Variants in GRK3 observed in about 807,000 individuals in gnomAD.
The protein encoded by GRK3 is adrenergic, beta, receptor kinase 2.
Under a neutral mutation model 95.7 loss-of-function variants are expected in GRK3, and 54 were observed. The ratio of observed to expected loss-of-function variants is 0.56; its 90% CI spans 0.45 to 0.71. The LOEUF is 0.71. Among genes scored for constraint, GRK3 ranks in the 30% least tolerant of loss-of-function variants. The pLI is 0.00. For missense variants in GRK3, 649 were observed against 851.2 expected (o/e 0.76, Z 2.96); for synonymous variants, 281 against 290.8 (o/e 0.97, Z 0.34).
chr22:25,636,114 T>C (rs1270448296), intron 2 of GRK3, among the ~76,000 whole-genome samples: 1 of 152,196 alleles, frequency 6.6e-6, no homozygotes, highest in Non-Finnish European at 1.5e-5. Context: ...GCTTACTTTC[T>C]AGCAGATGTT....
At chr22:25,606,716 C>T (rs369933374) in intron 2 of GRK3, among the ~76,000 whole-genome samples, 16 of 150,782 alleles carry the variant, frequency 1.1e-4, no homozygotes, top group East Asian at 4.0e-4. Context: ...AGGATCACCA[C>T]AGGGCTTGGG....
chr22:25,622,964 T>C (rs1166048408), intron 2 of GRK3, among the ~76,000 whole-genome samples: 1 of 152,172 alleles, frequency 6.6e-6, no homozygotes, highest in African/African-American at 2.4e-5. Flanking sequence ...TTTTTTGAGA[T>C]AGGGTCTCAC....
chr22:25,709,844 T>C, intron 15 of GRK3, 54 bp from the exon 16 acceptor site: 1 of 1,353,814 alleles, frequency 7.4e-7, no homozygotes, highest in Non-Finnish European at 1.1e-6. Flanking sequence ...TTGCACAATA[T>C]TTATTACGTT....
At position 25,683,800 on chromosome 22, in the gene GRK3, T is replaced by A. The variant is rs145940580; in HGVS notation, c.748-1370T>A. On this transcript the variant is annotated intron_variant, in intron 9 of 20. Transcript: ENST00000324198. ...TTTGTGTATTTATGGGTTGCATATA[T>A]CTTCTCCCATCCTGTGGCTTGTCTT... 1.4e-3 allele frequency among the ~76,000 whole-genome samples: 215 copies of A among 152,340 alleles called. 1 individual carries two copies. Among genetic ancestry groups the A allele is most frequent in the Non-Finnish European group, 2.1e-3 (142 of 68,024 alleles).
rs60731107 is a variant in GRK3, at chr22:25,724,115, A to AACACACACACAC, written c.*1690_*1701dup. 46 of 144,648 alleles carry AACACACACACAC rather than the reference A, an allele frequency of 3.2e-4. No individual in the cohort carries two copies. Among genetic ancestry groups the AACACACACACAC allele is most frequent in the African/African-American group, 1.1e-3 (42 of 39,406 alleles). The allele number at this position is 144,648 out of a possible 1,614,324, so 9.0% of individuals were successfully genotyped here. A position where few individuals can be genotyped will look rare whatever the true frequency, so the allele number is the denominator to read the frequency against. On this transcript the variant is annotated 3_prime_UTR_variant, in exon 21 of 21. Transcript: ENST00000324198. ...AAGAATAGTATTCAAATTCTGTTGAAACACACACACACACACACACACACA... is the reference window on the plus strand; with the variant it reads ...AAGAATAGTATTCAAATTCTGTTGAAACACACACACACACACACACACACACACACACACACA...
chr22:25,599,650 C>G (rs2084396151), intron 1 of GRK3, among the ~76,000 whole-genome samples: 3 of 150,968 alleles, frequency 2.0e-5, no homozygotes. Context: ...TAACTTGTAT[C>G]CAGAACATAT....
At chr22:25,688,450 T>G (rs2085139751) in intron 11 of GRK3, among the ~76,000 whole-genome samples, 1 of 152,152 alleles carries the variant, frequency 6.6e-6, no homozygotes, top group Non-Finnish European at 1.5e-5. Flanking sequence ...TCATAACTCC[T>G]CCAAGGCAAG....
chr22:25,678,015 A>G (rs945791780), intron 8 of GRK3, among the ~76,000 whole-genome samples: 6 of 152,220 alleles, frequency 3.9e-5, no homozygotes, highest in Admixed American at 3.9e-4. Context: ...TGTATTATTT[A>G]AAACGTCATA....
At chr22:25,651,890 A>T (rs1417084456) in intron 3 of GRK3, among the ~76,000 whole-genome samples, 1 of 152,194 alleles carries the variant, frequency 6.6e-6, no homozygotes, top group Non-Finnish European at 1.5e-5. Context: ...TTAATGTGGA[A>T]GTTAACCTTT....
At chr22:25,662,846 T>C (rs1323387339) in intron 4 of GRK3, among the ~76,000 whole-genome samples, 4 of 152,186 alleles carry the variant, frequency 2.6e-5, no homozygotes, top group Non-Finnish European at 5.9e-5. Flanking sequence ...TTGTACATTA[T>C]TAAAGAAGAC....
intron 6 of GRK3, among the ~76,000 whole-genome samples, chr22:25,670,366 T>A (rs2084971127): frequency 6.6e-6 from 1 of 151,978 alleles, no homozygotes; most frequent in South Asian, 2.1e-4. Context: ...CTTAGTGCGG[T>A]GGTGTGTGCC....
At chr22:25,664,641 C>T (rs1274250525) in intron 5 of GRK3, among the ~76,000 whole-genome samples, 1 of 151,742 alleles carries the variant, frequency 6.6e-6, no homozygotes, top group Non-Finnish European at 1.5e-5. Context: ...CTGCCTCAGC[C>T]TCCCAAGTAG....
intron 2 of GRK3, among the ~76,000 whole-genome samples, chr22:25,629,319 G>T (rs2146366307): frequency 6.6e-6 from 1 of 152,318 alleles, no homozygotes; most frequent in South Asian, 2.1e-4. Context: ...CAGGGGATTG[G>T]TGAAGAGAGG....
chr22:25,709,747 G>A, intron 15 of GRK3, 151 bp from the exon 16 acceptor site: 1 of 667,412 alleles, frequency 1.5e-6, no homozygotes, highest in Non-Finnish European at 2.7e-6. Flanking sequence ...CATTCCTCCT[G>A]TTGTTTTGAA....
intron 3 of GRK3, among the ~76,000 whole-genome samples, chr22:25,645,497 G>A (rs988748607): frequency 1.3e-5 from 2 of 152,114 alleles, no homozygotes; most frequent in Admixed American, 1.3e-4. Context: ...CAAAACACAC[G>A]CCAAGTTTTC....
intron 12 of GRK3, among the ~76,000 whole-genome samples, chr22:25,694,110 A>T (rs1049976746): frequency 1.3e-5 from 2 of 152,190 alleles, no homozygotes; most frequent in African/African-American, 4.8e-5. Context: ...TTACACTAAG[A>T]TAAGCACAGA....
intron 18 of GRK3, among the ~76,000 whole-genome samples, chr22:25,715,427 C>A (rs1266565684): frequency 2.0e-5 from 3 of 152,050 alleles, no homozygotes; most frequent in African/African-American, 7.2e-5. Flanking sequence ...AGGAAGATCA[C>A]TTGAGACCAG....
chr22:25,690,053 T>C (rs2146437714), intron 11 of GRK3, 136 bp from the exon 12 acceptor site: 1 of 624,764 alleles, frequency 1.6e-6, no homozygotes, highest in African/African-American at 1.8e-5. Flanking sequence ...TTTGATGTGA[T>C]GGGCTAAAGC....
At chr22:25,577,144 A>G (rs1461046308) in intron 1 of GRK3, among the ~76,000 whole-genome samples, 1 of 151,782 alleles carries the variant, frequency 6.6e-6, no homozygotes, top group Non-Finnish European at 1.5e-5. Flanking sequence ...CTTGACTTGA[A>G]CACGTTTGTC....
Sources: allele counts gnomAD v4.1 joint callset (sites outside exome capture counted in the v4.1 genomes callset), GRCh38; gene constraint gnomAD v4.1.1; transcripts MANE v1.5; gene names NCBI Gene and HGNC (gene_info 2026-07-23, HGNC 2026-07-21).